Variants in ZC3H14 observed in about 807,000 individuals in gnomAD.
The protein encoded by ZC3H14 is zinc finger CCCH domain-containing protein 14.
ZC3H14 carries 31 observed loss-of-function variants against 92.4 expected under a neutral mutation model. The observed-to-expected ratio is 0.34, with a 90% CI of 0.25 to 0.45. The LOEUF (loss-of-function observed/expected upper bound fraction) is 0.45. Ranked by LOEUF, ZC3H14 falls within the 20% of genes least tolerant of loss-of-function variation. The pLI is 1.00. For synonymous variants in ZC3H14, 321 were observed against 300.9 expected, an observed-to-expected ratio of 1.07 and a Z score of -0.69; for missense variants, 781 against 897.3, an observed-to-expected ratio of 0.87 and a Z score of 1.66.
In ZC3H14 at chr14:88,610,824, C is replaced by G; in HGVS notation, c.2098-10C>G. ...GTGGATATTGTTGAAGCTCTGTTAT[C>G]TCTATTCAGCATTGTAGGTTTAACA... On this transcript the variant is annotated splice_polypyrimidine_tract_variant and intron_variant, in intron 15 of 16. Coordinates refer to ENST00000251038, the MANE Select transcript of ZC3H14 (RefSeq NM_024824.5). 1 of 1,610,370 alleles carries G rather than the reference C, an allele frequency of 6.2e-7. No individual in the cohort carries two copies. The highest frequency in any genetic ancestry group is 8.5e-7 in the Non-Finnish European group (1 of 1,176,660).
intron 9 of ZC3H14, among the ~76,000 whole-genome samples, chr14:88,579,803 G>A (rs765316113): frequency 6.6e-6 from 1 of 152,134 alleles, no homozygotes; most frequent in Non-Finnish European, 1.5e-5. Context: ...AGACAAAACA[G>A]CATTGTTTCA....
At chr14:88,594,883 A>G in intron 9 of ZC3H14, 2 of 1,614,008 alleles carry the variant, frequency 1.2e-6, no homozygotes. Context: ...TATCAATGAA[A>G]TTAAAGGAAT....
chr14:88,579,840 A>G (rs1348930663), intron 9 of ZC3H14, among the ~76,000 whole-genome samples: 2 of 152,212 alleles, frequency 1.3e-5, no homozygotes, highest in Admixed American at 6.5e-5. Context: ...AGGTATACCA[A>G]AAAGAAATAC....
chr14:88,604,435 T>A (rs2085061609), intron 12 of ZC3H14, among the ~76,000 whole-genome samples: 1 of 152,092 alleles, frequency 6.6e-6, no homozygotes, highest in Middle Eastern at 3.2e-3. Context: ...CTCTAGTCTC[T>A]GCACCACTTC....
chr14:88,602,705 T>G, intron 11 of ZC3H14, 123 bp from the exon 12 acceptor site: 2 of 1,017,528 alleles, frequency 2.0e-6, no homozygotes, highest in Middle Eastern at 3.0e-4. Context: ...CCCTACCTAG[T>G]CTTTTTTTAT....
chr14:88,609,961 C>T (rs534434013), intron 15 of ZC3H14, among the ~76,000 whole-genome samples, 158 bp downstream of exon 15: 2 of 152,302 alleles, frequency 1.3e-5, no homozygotes, highest in South Asian at 4.1e-4. Flanking sequence ...CTCCATCTGG[C>T]CCCTTAGGCC....
At position 88,572,148 on chromosome 14, in the gene ZC3H14, C is replaced by A; in HGVS notation, c.354C>A (p.Ala118=). 1 of 1,614,084 alleles carries A rather than the reference C, an allele frequency of 6.2e-7. No individual in the cohort carries two copies. Among genetic ancestry groups the A allele is most frequent in the Non-Finnish European group, 8.5e-7 (1 of 1,180,026 alleles). ...RRHEAAVPPL[A]IPSARPEKRD... ...ATGAAGCTGCAGTGCCACCACTTGCCATTCCTAGCGCGAGACCTGAAAAAA... is the reference window on the plus strand; with the variant it reads ...ATGAAGCTGCAGTGCCACCACTTGCAATTCCTAGCGCGAGACCTGAAAAAA... Residue 118 remains alanine (A), a synonymous_variant, in exon 5 of 17, where the codon GCC becomes GCA. Transcript: ENST00000251038.
chr14:88,565,339 C>T (rs2079425359), intron 2 of ZC3H14, among the ~76,000 whole-genome samples: 1 of 151,994 alleles, frequency 6.6e-6, no homozygotes, highest in South Asian at 2.1e-4. Flanking sequence ...GACAGGGTTT[C>T]ACCATGTTGG....
chr14:88,613,195 C>G lies in ZC3H14; in HGVS notation c.*1444C>G, dbSNP rs773892136. The G allele has an allele frequency of 2.6e-5, 4 of 152,228 alleles. No homozygotes were observed. The highest frequency in any genetic ancestry group is 1.9e-4 in the East Asian group (1 of 5,160). 9.4% of individuals were successfully genotyped at this position (152,228 alleles called of 1,614,324 possible). Reference sequence around the variant, plus strand: ...GATCCCACAGGAAAGGCTTGAAACACGAGAAGCAGCAAAGACAGAGCACAC... The same window carrying G: ...GATCCCACAGGAAAGGCTTGAAACAGGAGAAGCAGCAAAGACAGAGCACAC... On this transcript the variant is annotated 3_prime_UTR_variant, in exon 17 of 17. Transcript: ENST00000251038.
chr14:88,575,241 A>G (rs2081007310), intron 7 of ZC3H14, among the ~76,000 whole-genome samples: 3 of 152,172 alleles, frequency 2.0e-5, no homozygotes, highest in Non-Finnish European at 4.4e-5. Context: ...CCTGACATAA[A>G]TATTTAATGT....
At position 88,563,150 on chromosome 14, in the gene ZC3H14, A is replaced by T; in HGVS notation, c.17A>T (p.Glu6Val). The change falls in exon 1 of 17, where the codon GAG becomes GTG. Residue 6 changes from glutamate (E) to valine (V), a missense_variant. Around this residue, in one of 3 missense-constraint regions of ZC3H14, gnomAD observed 106 missense variants for 154.2 expected, o/e 0.69. Coordinates refer to ENST00000251038, the MANE Select transcript of ZC3H14 (RefSeq NM_024824.5). ...CGCAGAGCCATGGAGATCGGCACCG[A>T]GATCAGCCGCAAGATCCGGGTGAGG... The part of the protein sequence containing the change: MEIGT[E>V]ISRKIRSAIK... 1 of 1,602,520 alleles carries T rather than the reference A, an allele frequency of 6.2e-7. No individual in the cohort carries two copies.
chr14:88,566,940 A>G (rs2079726607), intron 2 of ZC3H14, among the ~76,000 whole-genome samples: 1 of 150,990 alleles, frequency 6.6e-6, no homozygotes. Context: ...AAAAAAAAAG[A>G]GAACTGGAAT....
chr14:88,607,252 G>C lies in ZC3H14; in HGVS notation c.1757G>C (p.Ser586Thr). The C allele has an allele frequency of 4.3e-6, 7 of 1,614,042 alleles. No homozygotes were observed. The highest frequency in any genetic ancestry group is 5.9e-6 in the Non-Finnish European group (7 of 1,179,968). Reference sequence around the variant, plus strand: ...TCCTTTCCCTTTGTAGCTGAGATGAGTGAACTGAGTGTGGCACAGAAACCA... The same window carrying C: ...TCCTTTCCCTTTGTAGCTGAGATGACTGAACTGAGTGTGGCACAGAAACCA... Reference protein sequence around the residue: ...PNGSFSNAEMSELSVAQKPEK... With the variant: ...PNGSFSNAEMTELSVAQKPEK... Residue 586 changes from serine to threonine, a missense_variant, in exon 13 of 17, where the codon AGT becomes ACT. Transcript: ENST00000251038.
At position 88,627,447 on chromosome 14, in the gene ZC3H14, T is replaced by C; in HGVS notation, c.*15696T>C. ...AATGCTAATAATGGTTTCATTAATT[T>C]ATCTGTTTTGTGAGGTTACAGTTCC... On this transcript the variant is annotated 3_prime_UTR_variant, in exon 17 of 17. Transcript: ENST00000251038. 1 of 533,938 alleles carries C rather than the reference T, an allele frequency of 1.9e-6. No homozygotes were observed. Among genetic ancestry groups the C allele is most frequent in the South Asian group, 3.1e-5 (1 of 32,226 alleles). 33.1% of individuals were successfully genotyped at this position (533,938 alleles called of 1,614,324 possible).
In ZC3H14 at chr14:88,615,768, C is replaced by G. The variant is rs754624492; in HGVS notation, c.*4017C>G. The G allele has an allele frequency of 6.3e-7, 1 of 1,582,708 alleles. No individual in the cohort carries two copies. The highest frequency in any genetic ancestry group is 1.2e-5 in the South Asian group (1 of 85,452). On this transcript the variant is annotated 3_prime_UTR_variant, in exon 17 of 17. Coordinates refer to ENST00000251038, the MANE Select transcript of ZC3H14 (RefSeq NM_024824.5). ...GCAGGGTTGGGTTTTGGTTTTTCTT[C>G]TCTGTAATTCTGGTCTCAAAGTTAA... is the stretch of plus-strand genomic sequence containing the variant.
chr14:88,602,136 G>A, intron 11 of ZC3H14, 53 bp downstream of exon 11: 2 of 1,610,446 alleles, frequency 1.2e-6, no homozygotes, highest in Non-Finnish European at 1.7e-6. Flanking sequence ...GATAGTAAAG[G>A]TTAACCATTC....
rs2081394823 is a variant in ZC3H14 at position 88,578,079 on chromosome 14, C to G, written c.1218C>G (p.Pro406=). The change falls in exon 9 of 17, where the codon CCC becomes CCG. Residue 406 remains proline, a synonymous_variant. Transcript: ENST00000251038. ...TGGTCCAGGGACAAAGTAGGACCCC[C>G]AGAATAAGTCCCCCCATTAAAGAAG... The part of the protein sequence containing the change: ...AEVVQGQSRT[P]RISPPIKEEE... The G allele has an allele frequency of 6.2e-7, 1 of 1,613,862 alleles. No homozygotes were observed. The highest frequency in any genetic ancestry group is 8.5e-7 in the Non-Finnish European group (1 of 1,180,016).
At position 88,612,893 on chromosome 14, in the gene ZC3H14, T is replaced by G. The variant is rs1429890304; in HGVS notation, c.*1142T>G. 6.6e-6 allele frequency: 1 copy of G among 151,908 alleles called. No individual in the cohort carries two copies. The highest frequency in any genetic ancestry group is 2.4e-5 in the African/African-American group (1 of 41,162). The allele number at this position is 151,908 out of a possible 1,614,324, so 9.4% of individuals were successfully genotyped here. On this transcript the variant is annotated 3_prime_UTR_variant, in exon 17 of 17. Coordinates refer to ENST00000251038, the MANE Select transcript of ZC3H14 (RefSeq NM_024824.5). Reference sequence around the variant, plus strand: ...AAGACTTGGTGTATAGTGTTAAAAATTAAAGCTTAAAAGGTGGTTAGAAAA... The same window carrying G: ...AAGACTTGGTGTATAGTGTTAAAAAGTAAAGCTTAAAAGGTGGTTAGAAAA...
Position 88,623,338 on chromosome 14 carries a change from A to C in ZC3H14, c.*11587A>C, listed in dbSNP as rs1437375226. 1 of 151,958 alleles carries C rather than the reference A, an allele frequency of 6.6e-6. No homozygotes were observed. Among genetic ancestry groups the C allele is most frequent in the African/African-American group, 2.4e-5 (1 of 41,334 alleles). The allele number at this position is 151,958 out of a possible 1,614,324, so 9.4% of individuals were successfully genotyped here. ...GGCCTCATAATACTTCTTGATTAGG[A>C]AGATGTAAAAAAACAATTTTATTAA... is the stretch of plus-strand genomic sequence containing the variant. On this transcript the variant is annotated 3_prime_UTR_variant, in exon 17 of 17. Transcript: ENST00000251038.
Sources: gnomAD v4.1 joint callset for allele counts (sites outside exome capture counted in the v4.1 genomes callset) on GRCh38, gnomAD v4.1.1 for gene constraint, gnomAD v4.1.1 regional missense constraint, MANE v1.5 for transcripts, NCBI Gene and HGNC (gene_info 2026-07-23, HGNC 2026-07-21) for gene names.